The following FHL3 variants were observed in gnomAD, a reference collection of about 807,000 sequenced individuals.
FHL3 encodes four and a half LIM domains 3, also known as four and a half LIM domains protein 3.
Under a neutral mutation model 34.3 loss-of-function variants are expected in FHL3, and 21 were observed. That is an observed-to-expected ratio of 0.61 (90% CI 0.43 to 0.88). FHL3 has a LOEUF of 0.88. Ranked by LOEUF, FHL3 falls within the 40% of genes least tolerant of loss-of-function variation. FHL3 has a pLI of 0.00. For synonymous variants in FHL3, 137 were observed against 144.6 expected (o/e 0.95, Z 0.38); for missense variants, 333 against 373.7 (o/e 0.89, Z 0.90).
chr1:38,004,312 G>A (rs1258057415), intron 1 of FHL3, among the ~76,000 whole-genome samples: 1 of 152,178 alleles, frequency 6.6e-6, no homozygotes, highest in Non-Finnish European at 1.5e-5. Flanking sequence ...CTGTGTGTGT[G>A]CGTGGGGCTC....
In FHL3 at chr1:37,998,051, G is replaced by T. The variant is rs1412745137; in HGVS notation, c.413C>A (p.Ser138Tyr). The change falls in exon 4 of 6, where the codon TCC becomes TAC. Residue 138 changes from serine to tyrosine, a missense_variant. Physicochemically the swap from Ser to Tyr is moderately radical, Grantham distance 144. Coordinates refer to ENST00000373016, the MANE Select transcript of FHL3 (RefSeq NM_004468.5). ...LCSGCEQPLG[S>Y]RSFVPDKGAH... ...ACCCTTGTCGGGCACAAAAGAACGG[G>T]AGCCCAGTGGCTGTTCACAGCCACT... 6.2e-7 allele frequency: 1 copy of T among 1,613,956 alleles called. No homozygotes were observed. The highest frequency in any genetic ancestry group is 1.3e-5 in the African/African-American group (1 of 74,900).
In FHL3 at chr1:37,999,344, G is replaced by A; in HGVS notation, c.69C>T (p.Asp23=). Residue 23 remains aspartate, a synonymous_variant, in exon 2 of 6, where the codon GAC becomes GAT. Transcript: ENST00000373016. ...SLYGRKYIQT[D]SGPYCVPCYD... ...AGCAGGGCACACAGTAGGGGCCGCT[G>A]TCTGTCTGGATGTACTTGCGTCCAT... 1 of 1,614,238 alleles carries A rather than the reference G, an allele frequency of 6.2e-7. No homozygotes were observed. Among genetic ancestry groups the A allele is most frequent in the Non-Finnish European group, 8.5e-7 (1 of 1,180,036 alleles).
chr1:38,003,694 G>T (rs1433847818), intron 1 of FHL3, among the ~76,000 whole-genome samples: 1 of 152,150 alleles, frequency 6.6e-6, no homozygotes. Context: ...GCACAAGGAG[G>T]CCAGGAATAG....
chr1:37,997,221 C>T lies in FHL3; in HGVS notation c.*184G>A, dbSNP rs1477154598. The T allele has an allele frequency of 1.3e-5, 8 of 639,626 alleles. No individual in the cohort carries two copies. In the East Asian group the frequency reaches 2.2e-4, roughly 17 times the overall value. The allele number at this position is 639,626 out of a possible 1,614,324, so 39.6% of individuals were successfully genotyped here. ...TGACTCATGGAGGCTCTGTAAGAGC[C>T]CAGGTTTGGGGCCCTGGGTCAGGGA... On this transcript the variant is annotated 3_prime_UTR_variant, in exon 6 of 6. Transcript: ENST00000373016. The surrounding 1 kb of genome is among the most constrained non-coding windows in gnomAD (Gnocchi z 4.3).
Position 37,997,504 on chromosome 1 carries a change from G to T in FHL3, c.744C>A (p.Cys248Ter), listed in dbSNP as rs1013823347. 6.2e-7 allele frequency: 1 copy of T among 1,613,038 alleles called. No individual in the cohort carries two copies. Among genetic ancestry groups the T allele is most frequent in the Non-Finnish European group, 8.5e-7 (1 of 1,179,608 alleles). ...AGGTAGAGCAGCGGGCGCAGGAGAA[G>T]CAGTTGTGGTGCCAGTGTCGGTCTT... ...SFEDRHWHHN[C>*]FSCARCSTSL... Residue 248 changes from cysteine to a stop codon, truncating the protein, a stop_gained, in exon 6 of 6, where the codon TGC becomes TGA. Coordinates refer to ENST00000373016, the MANE Select transcript of FHL3 (RefSeq NM_004468.5). LOFTEE classifies it high-confidence loss of function. The surrounding 1 kb of genome is among the most constrained non-coding windows in gnomAD (Gnocchi z 4.3).
intron 1 of FHL3, among the ~76,000 whole-genome samples, chr1:38,000,028 C>T (rs1011384249): frequency 1.3e-5 from 2 of 152,208 alleles, no homozygotes; most frequent in Non-Finnish European, 2.9e-5. Flanking sequence ...TTGGGCCTTC[C>T]CTCCCGGGGA....
At chr1:37,998,796 G>C in intron 3 of FHL3, 178 bp downstream of exon 3, 1 of 633,062 alleles carries the variant, frequency 1.6e-6, no homozygotes, top group Non-Finnish European at 2.7e-6. Flanking sequence ...CAATCTGCCT[G>C]TACATAGTAG....
At position 37,999,126 on chromosome 1, in the gene FHL3, T is replaced by C; in HGVS notation, c.179A>G (p.His60Arg). ...DSRELFYEDR[H>R]FHEGCFRCCR... ...GCAGCGGAAGCAGCCCTCGTGGAAATGGCGGTCTTCATAGAACAGCTCCTG... is the reference window on the plus strand; with the variant it reads ...GCAGCGGAAGCAGCCCTCGTGGAAACGGCGGTCTTCATAGAACAGCTCCTG... Residue 60 changes from histidine to arginine, a missense_variant, in exon 3 of 6, where the codon CAT becomes CGT. Transcript: ENST00000373016. 6.2e-7 allele frequency: 1 copy of C among 1,614,180 alleles called. No homozygotes were observed. Among genetic ancestry groups the C allele is most frequent in the Non-Finnish European group, 8.5e-7 (1 of 1,180,040 alleles).
In FHL3 at chr1:37,998,082, G is replaced by A. The variant is rs2148729958; in HGVS notation, c.382C>T (p.Leu128=). ...AGTGGCTGTTCACAGCCACTGCACA[G>A]GAAGCAGTGCTCATGCCATGTCTGG... ...GGQTWHEHCF[L]CSGCEQPLGS... Residue 128 remains leucine, a synonymous_variant, in exon 4 of 6, where the codon CTG becomes TTG. Transcript: ENST00000373016. 1 of 1,614,058 alleles carries A rather than the reference G, an allele frequency of 6.2e-7. No individual in the cohort carries two copies. The highest frequency in any genetic ancestry group is 1.1e-5 in the South Asian group (1 of 91,084).
intron 3 of FHL3, among the ~76,000 whole-genome samples, chr1:37,998,515 C>T (rs1646559268): frequency 6.6e-6 from 1 of 152,140 alleles, no homozygotes; most frequent in Non-Finnish European, 1.5e-5. Flanking sequence ...TATCTGCCCA[C>T]ACAAAGTTCT....
In FHL3 at chr1:37,997,744, C is replaced by T. The variant is rs938202497; in HGVS notation, c.628G>A (p.Val210Met). 6 of 1,614,196 alleles carry T rather than the reference C, an allele frequency of 3.7e-6. No homozygotes were observed. Among genetic ancestry groups the T allele is most frequent in the Non-Finnish European group, 5.1e-6 (6 of 1,180,026 alleles). ...GCAAAGAGTTCTCCAAAACAGGCCACACAGTAGGGATCTTCATCCCGGGAG... is the reference window on the plus strand; with the variant it reads ...GCAAAGAGTTCTCCAAAACAGGCCATACAGTAGGGATCTTCATCCCGGGAG... Reference protein sequence around the residue: ...FTSRDEDPYCVACFGELFAPK... With the variant: ...FTSRDEDPYCMACFGELFAPK... Residue 210 changes from valine to methionine, a missense_variant, in exon 5 of 6, where the codon GTG (valine) becomes ATG (methionine). Val to Met is a conservative substitution (Grantham distance 21). Coordinates refer to ENST00000373016, the MANE Select transcript of FHL3 (RefSeq NM_004468.5). This position sits in a 1 kb window ranked among gnomAD's most constrained non-coding sequence, Gnocchi z 4.3.
chr1:38,001,429 C>T (rs747003355), intron 1 of FHL3, among the ~76,000 whole-genome samples: 4 of 152,238 alleles, frequency 2.6e-5, no homozygotes, highest in Non-Finnish European at 5.9e-5. Context: ...TGGGTCCACC[C>T]CCTGAGAGAC....
chr1:38,000,741 C>CA (rs1646585594), intron 1 of FHL3, among the ~76,000 whole-genome samples: 2 of 152,148 alleles, frequency 1.3e-5, no homozygotes, highest in Admixed American at 6.5e-5. Flanking sequence ...TCTCTAGCCC[C>CA]AAAGTCAGAG....
In FHL3 at chr1:38,002,890, G is replaced by C. The variant is rs535058247; in HGVS notation, c.-21+2467C>G. Among the ~76,000 whole-genome samples the C allele has an allele frequency of 4.1e-3, 619 of 152,034 alleles. 6 individuals carry two copies. Among genetic ancestry groups the C allele is most frequent in the African/African-American group, 0.014 (576 of 41,486 alleles). ...CTTCTGTGCTCAGCCAGGTGAGGTG[G>C]CTCACACCTGTAATCCCAGCACTTT... On this transcript the variant is annotated intron_variant, in intron 1 of 5. Coordinates refer to ENST00000373016, the MANE Select transcript of FHL3 (RefSeq NM_004468.5).
Position 37,997,409 on chromosome 1 carries a change from G to A in FHL3, c.839C>T (p.Pro280Leu). ...CCTGGGTCCAGGAGCCCTGGCTTAGGGCCCTGCCTGGCTACAGCCCTGGCA... is the reference window on the plus strand; with the variant it reads ...CCTGGGTCCAGGAGCCCTGGCTTAGAGCCCTGCCTGGCTACAGCCCTGGCA... ...VLCQGCSQAG[P>L] Residue 280 changes from proline (P) to leucine (L), a missense_variant, in exon 6 of 6, where the codon CCC (proline) becomes CTC (leucine). Pro to Leu is a moderately conservative substitution (Grantham distance 98). Transcript: ENST00000373016. The surrounding 1 kb of genome is among the most constrained non-coding windows in gnomAD (Gnocchi z 4.3). 1 of 1,613,464 alleles carries A rather than the reference G, an allele frequency of 6.2e-7. No individual in the cohort carries two copies. Among genetic ancestry groups the A allele is most frequent in the Non-Finnish European group, 8.5e-7 (1 of 1,179,732 alleles).
chr1:37,997,730 T>C lies in FHL3; in HGVS notation c.642A>G (p.Gly214=). ...DEDPYCVACF[G]ELFAPKCSSC... ...TGCTGCACTTAGGTGCAAAGAGTTC[T>C]CCAAAACAGGCCACACAGTAGGGAT... Residue 214 remains glycine (G), a synonymous_variant, in exon 5 of 6, where the codon GGA becomes GGG. Coordinates refer to ENST00000373016, the MANE Select transcript of FHL3 (RefSeq NM_004468.5). This position sits in a 1 kb window ranked among gnomAD's most constrained non-coding sequence, Gnocchi z 4.3. 1.9e-6 allele frequency: 3 copies of C among 1,614,124 alleles called. No homozygotes were observed. Among genetic ancestry groups the C allele is most frequent in the Non-Finnish European group, 1.7e-6 (2 of 1,180,022 alleles).
intron 1 of FHL3, among the ~76,000 whole-genome samples, chr1:38,002,159 C>T (rs1226044125): frequency 6.6e-6 from 1 of 150,406 alleles, no homozygotes; most frequent in Non-Finnish European, 1.5e-5. Flanking sequence ...GGTACAGTGG[C>T]GCAATCTCGG....
intron 1 of FHL3, among the ~76,000 whole-genome samples, chr1:38,000,718 C>T (rs561146287): frequency 2.2e-4 from 33 of 152,266 alleles, no homozygotes; most frequent in Admixed American, 2.0e-4. Context: ...CTTTCTGCTG[C>T]CCCGGATTCC....
intron 1 of FHL3, among the ~76,000 whole-genome samples, chr1:37,999,802 C>T (rs975847035): frequency 1.3e-5 from 2 of 152,160 alleles, no homozygotes; most frequent in Non-Finnish European, 2.9e-5. Context: ...GGGCAGGGAG[C>T]CACCCCACTC....
Sources: gnomAD v4.1 joint callset for allele counts (sites outside exome capture counted in the v4.1 genomes callset) on GRCh38, gnomAD v4.1.1 for gene constraint, Gnocchi (gnomAD v3.1) non-coding constraint, MANE v1.5 for transcripts, NCBI Gene and HGNC (gene_info 2026-07-23, HGNC 2026-07-21) for gene names.